SPMIP4: variants seen among roughly 807,000 people sequenced by gnomAD.
The protein encoded by SPMIP4 is sperm microtubule inner protein 4.
chr7:25,132,942 T>C, the SPMIP4 span, among the ~76,000 whole-genome samples: 1 of 152,164 alleles, frequency 6.6e-6, no homozygotes, highest in African/African-American at 2.4e-5. This position sits in a 1 kb window ranked among gnomAD's most constrained non-coding sequence, Gnocchi z 5.0. Context: ...TTATAACTAC[T>C]CTTACATGTG....
At chr7:25,130,778 A>G in the SPMIP4 span, among the ~76,000 whole-genome samples, 2 of 152,226 alleles carry the variant, frequency 1.3e-5, no homozygotes, top group Non-Finnish European at 2.9e-5. Context: ...TTACAGTTAA[A>G]CTATAAATTC....
chr7:25,135,740 T>A, the SPMIP4 span: 1 of 1,155,684 alleles, frequency 8.7e-7, no homozygotes, highest in Middle Eastern at 3.5e-4. Context: ...CTATAAATTT[T>A]TCTAGTTCTA....
At chr7:25,175,277 GAGAA>G in the SPMIP4 span, among the ~76,000 whole-genome samples, 1 of 152,084 alleles carries the variant, frequency 6.6e-6, no homozygotes, top group African/African-American at 2.4e-5. Flanking sequence ...TTTGATTTTT[GAGAA>G]AGAGTCTCGC....
chr7:25,176,093 GT>G, the SPMIP4 span, among the ~76,000 whole-genome samples: 5 of 152,162 alleles, frequency 3.3e-5, no homozygotes, highest in African/African-American at 9.7e-5. The surrounding 1 kb of genome is among the most constrained non-coding windows in gnomAD (Gnocchi z 4.4). Flanking sequence ...CCTTTTTGTA[GT>G]TTATAGTTGG....
chr7:25,131,937 G>C, the SPMIP4 span, among the ~76,000 whole-genome samples: 1 of 152,200 alleles, frequency 6.6e-6, no homozygotes, highest in Non-Finnish European at 1.5e-5. The surrounding 1 kb of genome is among the most constrained non-coding windows in gnomAD (Gnocchi z 4.2). Context: ...GGAAGTCAGC[G>C]GCGGGTCTGC....
At chr7:25,145,932 T>TG in the SPMIP4 span, among the ~76,000 whole-genome samples, 3 of 152,042 alleles carry the variant, frequency 2.0e-5, no homozygotes, top group East Asian at 1.9e-4. Context: ...TAGTTTTTTT[T>TG]TTTGTTTTAT....
chr7:25,151,507 GC>G, the SPMIP4 span: 6 of 793,170 alleles, frequency 7.6e-6, no homozygotes, highest in Middle Eastern at 2.9e-4. Flanking sequence ...ATGGGCATGT[GC>G]CACCATGTCA....
chr7:25,153,238 T>C, the SPMIP4 span, among the ~76,000 whole-genome samples: 353 of 152,232 alleles, frequency 2.3e-3, 1 homozygote, highest in African/African-American at 8.1e-3. Flanking sequence ...TGACAACTTG[T>C]TTTTTCAGTC....
chr7:25,159,989 G>GA, the SPMIP4 span, among the ~76,000 whole-genome samples: 19 of 147,876 alleles, frequency 1.3e-4, no homozygotes, highest in Non-Finnish European at 2.1e-4. Flanking sequence ...GATTCGAAAT[G>GA]AAAAAAAAAA....
the SPMIP4 span, among the ~76,000 whole-genome samples, chr7:25,166,098 C>T: frequency 6.6e-6 from 1 of 152,150 alleles, no homozygotes; most frequent in Non-Finnish European, 1.5e-5. Flanking sequence ...GTTAAAGAGG[C>T]ACTTCTTCCC....
At chr7:25,150,695 A>T in the SPMIP4 span, among the ~76,000 whole-genome samples, 6 of 152,184 alleles carry the variant, frequency 3.9e-5, no homozygotes, top group Non-Finnish European at 7.4e-5. Flanking sequence ...GAGTTATGGG[A>T]CAGAGGTTAA....
the SPMIP4 span, among the ~76,000 whole-genome samples, chr7:25,177,933 T>C: frequency 3.9e-5 from 6 of 152,278 alleles, no homozygotes; most frequent in East Asian, 1.2e-3. Flanking sequence ...ACCCAAGAGG[T>C]AGTTTTCTGA....
At chr7:25,177,764 G>T in the SPMIP4 span, among the ~76,000 whole-genome samples, 1 of 152,128 alleles carries the variant, frequency 6.6e-6, no homozygotes, top group Non-Finnish European at 1.5e-5. Context: ...CTGACACACA[G>T]TAATCACTAG....
At chr7:25,126,949 CT>C in the SPMIP4 span, among the ~76,000 whole-genome samples, 7 of 152,170 alleles carry the variant, frequency 4.6e-5, no homozygotes, top group South Asian at 4.1e-4. Context: ...GATATTTTCA[CT>C]GGATGTACTA....
At chr7:25,143,387 T>C in the SPMIP4 span, among the ~76,000 whole-genome samples, 13 of 152,196 alleles carry the variant, frequency 8.5e-5, no homozygotes, top group Non-Finnish European at 1.6e-4. Context: ...AATTCACCTT[T>C]TCTCAGTATC....
At chr7:25,143,286 TAG>T in the SPMIP4 span, among the ~76,000 whole-genome samples, 3 of 152,242 alleles carry the variant, frequency 2.0e-5, no homozygotes, top group Non-Finnish European at 4.4e-5. Context: ...CAGACGTAAC[TAG>T]AGAGTTTTAT....
At chr7:25,165,702 T>G in the SPMIP4 span, among the ~76,000 whole-genome samples, 1 of 152,382 alleles carries the variant, frequency 6.6e-6, no homozygotes, top group Admixed American at 6.5e-5. Context: ...GTTGGAATTA[T>G]CTGAGGTTAT....
At chr7:25,141,527 G>A in the SPMIP4 span, among the ~76,000 whole-genome samples, 4 of 144,752 alleles carry the variant, frequency 2.8e-5, no homozygotes, top group South Asian at 8.9e-4. Context: ...AGCTGAGATC[G>A]TGCCACCGTA....
the SPMIP4 span, among the ~76,000 whole-genome samples, chr7:25,137,287 G>C: frequency 7.3e-6 from 1 of 136,902 alleles, no homozygotes; most frequent in Non-Finnish European, 1.6e-5. Flanking sequence ...GTGGGCCCCA[G>C]GAAGCTGAAT....
Sources: allele counts gnomAD v4.1 joint callset (sites outside exome capture counted in the v4.1 genomes callset), GRCh38; gene constraint gnomAD v4.1.1; non-coding constraint Gnocchi (gnomAD v3.1); transcripts MANE v1.5; gene names NCBI Gene and HGNC (gene_info 2026-07-23, HGNC 2026-07-21).